The following NALF1 variants were observed in gnomAD, a reference collection of about 807,000 sequenced individuals.
The protein encoded by NALF1 is NALCN channel auxiliary factor 1, also known as family with sequence similarity 155 member A.
In NALF1, 3 loss-of-function variants were observed where a neutral mutation model predicts 48.4. The observed-to-expected ratio is 0.06, with a 90% CI of 0.03 to 0.16. NALF1 has a LOEUF of 0.16. Among genes scored for constraint, NALF1 ranks in the 10% least tolerant of loss-of-function variants. The pLI is 1.00. For synonymous variants in NALF1, 262 were observed against 245.7 expected (o/e 1.07, Z -0.62); for missense variants, 526 against 571.5 (o/e 0.92, Z 0.81).
intron 1 of NALF1, among the ~76,000 whole-genome samples, chr13:107,277,418 G>A (rs1487381202): frequency 6.6e-6 from 1 of 151,974 alleles, no homozygotes; most frequent in East Asian, 1.9e-4. Context: ...TTCTACTCTA[G>A]GCAATTTCCT....
At chr13:107,567,834 G>C (rs1877859540) in intron 1 of NALF1, among the ~76,000 whole-genome samples, 2 of 152,116 alleles carry the variant, frequency 1.3e-5, no homozygotes, top group African/African-American at 2.4e-5. Flanking sequence ...TCATCTCTGT[G>C]ATTATGTTAG....
intron 1 of NALF1, among the ~76,000 whole-genome samples, chr13:107,818,688 C>G (rs377091399): frequency 3.3e-5 from 5 of 149,798 alleles, no homozygotes; most frequent in Non-Finnish European, 7.4e-5. Flanking sequence ...CTGGCTAACA[C>G]GGTGAAACCC....
intron 1 of NALF1, among the ~76,000 whole-genome samples, chr13:107,380,851 G>A (rs1014197670): frequency 2.7e-5 from 4 of 150,634 alleles, no homozygotes; most frequent in African/African-American, 7.3e-5. Context: ...AGTGGCGGGC[G>A]CCTGTAGTAC....
At position 107,675,051 on chromosome 13, in the gene NALF1, G is replaced by A. The variant is rs528276255; in HGVS notation, c.915+190631C>T. Among the ~76,000 whole-genome samples the A allele has an allele frequency of 4.6e-5, 7 of 152,282 alleles. No homozygotes were observed. In the East Asian group the frequency reaches 1.4e-3, roughly 29 times the overall value. On this transcript the variant is annotated intron_variant, in intron 1 of 2. Coordinates refer to ENST00000375915, the MANE Select transcript of NALF1 (RefSeq NM_001080396.3). ...GAGAGAGGCAGGTTAGAGGTCCCCT[G>A]TGGTAGTGGACTCAGCAGATAGAGG...
chr13:107,810,637 T>C (rs1399473664), intron 1 of NALF1, among the ~76,000 whole-genome samples: 1 of 152,184 alleles, frequency 6.6e-6, no homozygotes, highest in Non-Finnish European at 1.5e-5. Flanking sequence ...CGTTCTTGTC[T>C]TGGTTATTGG....
intron 1 of NALF1, among the ~76,000 whole-genome samples, chr13:107,542,588 T>A (rs544387161): frequency 4.6e-5 from 7 of 152,230 alleles, no homozygotes; most frequent in Admixed American, 3.9e-4. Context: ...GACATCAATA[T>A]CAGTATCTCC....
At chr13:107,312,761 G>C (rs1310162698) in intron 1 of NALF1, among the ~76,000 whole-genome samples, 1 of 152,164 alleles carries the variant, frequency 6.6e-6, no homozygotes, top group Non-Finnish European at 1.5e-5. Flanking sequence ...TGACCTAGCA[G>C]AGTAAGAAAG....
Position 107,408,591 on chromosome 13 carries a change from T to C in NALF1, c.916-197836A>G, listed in dbSNP as rs570861169. ...GAGAGCTAGTTCTGTATGGACACAA[T>C]GGGTAACACAATTTTAACAAGTGAT... On this transcript the variant is annotated intron_variant, in intron 1 of 2. Transcript: ENST00000375915. 6.6e-5 allele frequency among the ~76,000 whole-genome samples: 10 copies of C among 152,192 alleles called. No homozygotes were observed. The South Asian group carries it at 1.9e-3, about 28-fold the overall frequency.
At position 107,264,278 on chromosome 13, in the gene NALF1, T is replaced by C. The variant is rs974738070; in HGVS notation, c.916-53523A>G. 4.6e-5 allele frequency among the ~76,000 whole-genome samples: 7 copies of C among 152,372 alleles called. No individual in the cohort carries two copies. The East Asian group carries it at 1.3e-3, about 29-fold the overall frequency. On this transcript the variant is annotated intron_variant, in intron 1 of 2. Coordinates refer to ENST00000375915, the MANE Select transcript of NALF1 (RefSeq NM_001080396.3). ...GCAATTAATTAACAAAACTGGTTTA[T>C]AATCATTGGTTTATATACAGAAATG...
rs1021887330 is a variant in NALF1 at position 107,213,799 on chromosome 13, G to A, written c.916-3044C>T. 4.6e-5 allele frequency among the ~76,000 whole-genome samples: 7 copies of A among 152,204 alleles called. No homozygotes were observed. In the South Asian group the frequency reaches 6.2e-4, roughly 14 times the overall value. Reference sequence around the variant, plus strand: ...ACTTGAAAAGTGAAATAGCACGTTAGTAAACACCTGAAAACTGTGTTATGT... The same window carrying A: ...ACTTGAAAAGTGAAATAGCACGTTAATAAACACCTGAAAACTGTGTTATGT... On this transcript the variant is annotated intron_variant, in intron 1 of 2. Coordinates refer to ENST00000375915, the MANE Select transcript of NALF1 (RefSeq NM_001080396.3).
intron 1 of NALF1, among the ~76,000 whole-genome samples, chr13:107,686,381 TA>T (rs869161848): frequency 0.012 from 8 of 682 alleles, no homozygotes; most frequent in South Asian, 0.25. Flanking sequence ...ATTATTTATT[TA>T]TTATTATTAT....
At chr13:107,355,422 T>C (rs1350565555) in intron 1 of NALF1, among the ~76,000 whole-genome samples, 13 of 152,198 alleles carry the variant, frequency 8.5e-5, no homozygotes, top group Admixed American at 8.5e-4. Context: ...GATGACAGGT[T>C]CTAAAGAAGT....
At chr13:107,253,448 C>T (rs577460883) in intron 1 of NALF1, among the ~76,000 whole-genome samples, 1 of 152,256 alleles carries the variant, frequency 6.6e-6, no homozygotes, top group Admixed American at 6.5e-5. Context: ...CCCCTCACCC[C>T]CAGCAGAAGG....
chr13:107,442,934 A>C (rs1023176412), intron 1 of NALF1, among the ~76,000 whole-genome samples: 1 of 152,204 alleles, frequency 6.6e-6, no homozygotes, highest in Non-Finnish European at 1.5e-5. Context: ...GTGTCTAAAA[A>C]TAGGGCATAG....
intron 1 of NALF1, among the ~76,000 whole-genome samples, chr13:107,642,034 G>T (rs1226528790): frequency 6.6e-6 from 1 of 152,138 alleles, no homozygotes; most frequent in Non-Finnish European, 1.5e-5. Context: ...CTGAGACCAG[G>T]TAAGGTCCTC....
chr13:107,669,060 TA>T (rs1355202367), intron 1 of NALF1, among the ~76,000 whole-genome samples: 5 of 152,160 alleles, frequency 3.3e-5, no homozygotes, highest in Non-Finnish European at 7.3e-5. Flanking sequence ...ATAATACTGA[TA>T]TTAAGCTTTT....
intron 1 of NALF1, among the ~76,000 whole-genome samples, chr13:107,858,514 C>T (rs74346134): frequency 1.3e-5 from 2 of 152,116 alleles, no homozygotes; most frequent in Admixed American, 6.5e-5. Flanking sequence ...TTTGGAAACC[C>T]CATCTCTATT....
intron 1 of NALF1, among the ~76,000 whole-genome samples, chr13:107,537,360 A>G (rs1186183843): frequency 2.0e-5 from 3 of 152,166 alleles, no homozygotes; most frequent in Non-Finnish European, 4.4e-5. Flanking sequence ...TATTTGATTA[A>G]TATTTAGCTT....
intron 1 of NALF1, among the ~76,000 whole-genome samples, chr13:107,854,897 A>G (rs1171871645): frequency 6.6e-6 from 1 of 151,774 alleles, no homozygotes; most frequent in Non-Finnish European, 1.5e-5. Context: ...AAAAAGACCT[A>G]TATGGAAACC....
Sources: allele counts gnomAD v4.1 joint callset (sites outside exome capture counted in the v4.1 genomes callset), GRCh38; gene constraint gnomAD v4.1.1; transcripts MANE v1.5; gene names NCBI Gene and HGNC (gene_info 2026-07-23, HGNC 2026-07-21).